The following TGM2 variants were observed in gnomAD, a reference collection of about 807,000 sequenced individuals.
TGM2 encodes the protein protein-glutamine gamma-glutamyltransferase 2.
In TGM2, 53 loss-of-function variants were observed where a neutral mutation model predicts 75.6. That is an observed-to-expected ratio of 0.70 (90% CI 0.56 to 0.88). The LOEUF (loss-of-function observed/expected upper bound fraction) is 0.88, where lower values mean the gene tolerates loss of function less well. TGM2 is among the 40% of genes least tolerant of loss of function. TGM2 has a pLI of 0.00. For synonymous variants in TGM2, 374 were observed against 381.1 expected (o/e 0.98, Z 0.22); for missense variants, 842 against 928.5 (o/e 0.91, Z 1.21).
Position 38,142,097 on chromosome 20 carries a change from C to T in TGM2, c.962G>A (p.Gly321Glu). 1 of 1,614,166 alleles carries T rather than the reference C, an allele frequency of 6.2e-7. No individual in the cohort carries two copies. Among genetic ancestry groups the T allele is most frequent in the Non-Finnish European group, 8.5e-7 (1 of 1,180,022 alleles). Residue 321 changes from glycine to glutamate, a missense_variant, in exon 7 of 13, where the codon GGG (glycine) becomes GAG (glutamate). Transcript: ENST00000361475. ...CTCGCTCTTGTCACCCTGGATCTCC[C>T]CAAACTCATTGCGGAAGTACTCGAT... ...LLIEYFRNEF[G>E]EIQGDKSEMI...
At chr20:38,168,065 T>G (rs751346742), upstream of TGM2, among the ~76,000 whole-genome samples, 13 of 152,198 alleles carry the variant, frequency 8.5e-5, no homozygotes, top group Admixed American at 6.5e-5. Flanking sequence ...ATTAGATTAT[T>G]CCTGGATCCC....
intron 8 of TGM2, 97 bp downstream of exon 8, chr20:38,141,185 G>T: frequency 1.0e-6 from 1 of 957,758 alleles, no homozygotes; most frequent in African/African-American, 1.6e-5. Context: ...TGGTCTCCGG[G>T]TGAGCTCCTA....
intron 7 of TGM2, 135 bp from the exon 8 acceptor site, chr20:38,141,520 A>G: frequency 1.4e-6 from 1 of 730,924 alleles, no homozygotes; most frequent in South Asian, 1.6e-5. Flanking sequence ...GTGTCTCCCC[A>G]CTGCCTTGTT....
At chr20:38,147,215 C>G (rs1175949691) in intron 5 of TGM2, among the ~76,000 whole-genome samples, 1 of 152,058 alleles carries the variant, frequency 6.6e-6, no homozygotes, top group East Asian at 1.9e-4. Flanking sequence ...TTTACAAAGA[C>G]CCGCTTGGGC....
chr20:38,159,114 C>A (rs2075223027), intron 2 of TGM2, among the ~76,000 whole-genome samples: 1 of 152,172 alleles, frequency 6.6e-6, no homozygotes, highest in African/African-American at 2.4e-5. Flanking sequence ...AGCAGCAGCC[C>A]TTCACCCAAC....
intron 2 of TGM2, among the ~76,000 whole-genome samples, chr20:38,156,457 T>C (rs2075188758): frequency 6.6e-6 from 1 of 152,268 alleles, no homozygotes; most frequent in Admixed American, 6.5e-5. Flanking sequence ...CTGGCCCCAT[T>C]TGTGTAGCAT....
chr20:38,166,748 C>G (rs1227047859), upstream of TGM2, among the ~76,000 whole-genome samples: 1 of 152,212 alleles, frequency 6.6e-6, no homozygotes, highest in Non-Finnish European at 1.5e-5. Flanking sequence ...ATATTTCTCC[C>G]TGGGTCAAAC....
chr20:38,139,153 ATCAAG>A, intron 9 of TGM2, among the ~76,000 whole-genome samples: 1 of 152,270 alleles, frequency 6.6e-6, no homozygotes, highest in Admixed American at 6.5e-5. Flanking sequence ...TTAAAAATAA[ATCAAG>A]TCCTTTCCCC....
intron 6 of TGM2, chr20:38,145,226 T>TG (rs1383320211): frequency 6.6e-6 from 1 of 152,164 alleles, no homozygotes; most frequent in African/African-American, 2.4e-5. Context: ...GAGGATGTGC[T>TG]GGGGGCCCTG....
At chr20:38,165,924 C>A (rs144704712), upstream of TGM2, among the ~76,000 whole-genome samples, 55 of 152,150 alleles carry the variant, frequency 3.6e-4, no homozygotes, top group East Asian at 9.9e-3. Context: ...TAGCCTTGAC[C>A]GCGAGCCACA....
At chr20:38,139,311 C>T (rs2074939562) in intron 9 of TGM2, 101 bp downstream of exon 9, 1 of 1,568,950 alleles carries the variant, frequency 6.4e-7, no homozygotes, top group Non-Finnish European at 8.7e-7. Flanking sequence ...TGTACGTAGG[C>T]TACCAATTAA....
chr20:38,156,601 C>T (rs1459767374), intron 2 of TGM2, among the ~76,000 whole-genome samples: 1 of 152,244 alleles, frequency 6.6e-6, no homozygotes, highest in Non-Finnish European at 1.5e-5. Context: ...CTCTGAGAGC[C>T]CCTTGCTGTA....
Position 38,150,927 on chromosome 20 carries a change from T to C in TGM2, c.552+12A>G, listed in dbSNP as rs1310783600. The C allele has an allele frequency of 3.8e-6, 6 of 1,591,080 alleles. No homozygotes were observed. Among genetic ancestry groups the C allele is most frequent in the African/African-American group, 1.3e-5 (1 of 74,434 alleles). ...CCTGAGATGGTTGGGAGAGACAGGGTGTGGCCCTTACCTGCCCAAAATTCC... is the reference window on the plus strand; with the variant it reads ...CCTGAGATGGTTGGGAGAGACAGGGCGTGGCCCTTACCTGCCCAAAATTCC... On this transcript the variant is annotated intron_variant, in intron 4 of 12. Coordinates refer to ENST00000361475, the MANE Select transcript of TGM2 (RefSeq NM_004613.4).
chr20:38,134,298 T>A (rs1450355032), intron 10 of TGM2, among the ~76,000 whole-genome samples: 1 of 152,202 alleles, frequency 6.6e-6, no homozygotes, highest in East Asian at 1.9e-4. Flanking sequence ...TCTCATCAGA[T>A]GATGTGATCT....
At chr20:38,165,288 C>T, upstream of TGM2, 1 of 1,593,932 alleles carries the variant, frequency 6.3e-7, no homozygotes, top group Non-Finnish European at 8.5e-7. Context: ...CGGAGAGCGG[C>T]GCTAACTTAT....
chr20:38,137,997 A>G, intron 10 of TGM2, 116 bp downstream of exon 10: 1 of 1,479,750 alleles, frequency 6.8e-7, no homozygotes, highest in Non-Finnish European at 9.0e-7. Context: ...CCTGCCCCAG[A>G]GTCAGCGCCA....
At chr20:38,157,548 C>T (rs1371274813) in intron 2 of TGM2, among the ~76,000 whole-genome samples, 3 of 152,332 alleles carry the variant, frequency 2.0e-5, no homozygotes, top group East Asian at 1.9e-4. Context: ...ATCTCAGGTT[C>T]GAAACTGGCT....
intron 7 of TGM2, 21 bp downstream of exon 7, chr20:38,142,043 C>A (rs933074180): frequency 1.2e-6 from 2 of 1,613,904 alleles, no homozygotes; most frequent in Non-Finnish European, 1.7e-6. Context: ...GGCTCCGATC[C>A]CACCCTGGCC....
chr20:38,158,515 A>C (rs2075214983), intron 2 of TGM2, among the ~76,000 whole-genome samples: 1 of 152,112 alleles, frequency 6.6e-6, no homozygotes, highest in South Asian at 2.1e-4. Flanking sequence ...GCCTTCTATC[A>C]GCCTCATAAG....
Sources: gnomAD v4.1 joint callset for allele counts (sites outside exome capture counted in the v4.1 genomes callset) on GRCh38, gnomAD v4.1.1 for gene constraint, MANE v1.5 for transcripts, NCBI Gene and HGNC (gene_info 2026-07-23, HGNC 2026-07-21) for gene names.